CUX1: variants seen among roughly 807,000 people sequenced by gnomAD.
CUX1 encodes the protein cut like homeobox 1.
CUX1 carries 31 observed loss-of-function variants against 158.8 expected under a neutral mutation model. The observed-to-expected ratio is 0.20, with a 90% CI of 0.15 to 0.26. CUX1 has a LOEUF of 0.26. Ranked by LOEUF, CUX1 falls within the 10% of genes least tolerant of loss-of-function variation. The pLI, the probability that CUX1 is intolerant of heterozygous loss-of-function variation, is 1.00. For synonymous variants in CUX1, 879 were observed against 862.1 expected (o/e 1.02, Z -0.34); for missense variants, 1,589 against 2,014.6 (o/e 0.79, Z 4.04).
At chr7:102,271,401 T>C (rs1554546211) in intron 14 of CUX1, among the ~76,000 whole-genome samples, 1 of 152,138 alleles carries the variant, frequency 6.6e-6, no homozygotes, top group African/African-American at 2.4e-5. Flanking sequence ...TTTCTGGTGG[T>C]TTCCTCTCCC....
intron 1 of CUX1, among the ~76,000 whole-genome samples, chr7:101,872,004 C>T (rs1031986181): frequency 9.6e-5 from 14 of 146,190 alleles, no homozygotes; most frequent in African/African-American, 3.0e-4. Context: ...GGCGACAGAG[C>T]GAGACTCCAT....
At chr7:101,999,887 TGTGTGTGTGC>T (rs752420973) in intron 2 of CUX1, among the ~76,000 whole-genome samples, 7 of 151,866 alleles carry the variant, frequency 4.6e-5, no homozygotes, top group Non-Finnish European at 1.0e-4. Context: ...CATGCGTGCG[TGTGTGTGTGC>T]GTGTGTGTGT....
intron 2 of CUX1, among the ~76,000 whole-genome samples, chr7:101,990,892 G>A (rs762776958): frequency 1.2e-4 from 18 of 152,156 alleles, no homozygotes; most frequent in Non-Finnish European, 2.2e-4. Flanking sequence ...TCACAGCGCC[G>A]CTCAGGTCCC....
At chr7:102,114,257 G>A (rs948273911) in intron 7 of CUX1, among the ~76,000 whole-genome samples, 11 of 152,124 alleles carry the variant, frequency 7.2e-5, no homozygotes, top group African/African-American at 1.4e-4. Flanking sequence ...TTTTCTTAAC[G>A]TAAAATACAC....
intron 3 of CUX1, among the ~76,000 whole-genome samples, chr7:102,056,142 T>A (rs1824095049): frequency 6.6e-6 from 1 of 152,204 alleles, no homozygotes; most frequent in South Asian, 2.1e-4. Flanking sequence ...ATCTCCATAA[T>A]ACAAAAGTGC....
intron 2 of CUX1, among the ~76,000 whole-genome samples, chr7:101,994,926 CAAAAAAAAA>C (rs796784920): frequency 4.2e-5 from 2 of 47,668 alleles, no homozygotes; most frequent in Admixed American, 2.3e-4. Flanking sequence ...CTCATCTCTA[CAAAAAAAAA>C]AAAAAAAAAA....
intron 2 of CUX1, among the ~76,000 whole-genome samples, chr7:101,953,909 T>A (rs1001655290): frequency 6.6e-6 from 1 of 152,230 alleles, no homozygotes; most frequent in Non-Finnish European, 1.5e-5. Flanking sequence ...ATTCTCTTTA[T>A]GGGCAGCATG....
chr7:101,846,700 C>T (rs1297310827), intron 1 of CUX1, among the ~76,000 whole-genome samples: 2 of 152,102 alleles, frequency 1.3e-5, no homozygotes, highest in Non-Finnish European at 2.9e-5. Flanking sequence ...ATTAAAACAG[C>T]AAATTGGAAG....
In CUX1 at chr7:102,280,983, T is replaced by C; in HGVS notation, c.1821+123T>C. ...GCCAGCCCTGCCAAGAGTGGCTGTG[T>C]GATCTGGGACAGGGTCTCTCCCCTT... is the stretch of plus-strand genomic sequence containing the variant. On this transcript the variant is annotated intron_variant, in intron 20 of 22. Coordinates refer to the CUX1 transcript ENST00000292538. The C allele has an allele frequency of 3.6e-6, 3 of 834,968 alleles. No individual in the cohort carries two copies. In the Admixed American group the frequency reaches 6.3e-5, roughly 17 times the overall value. The allele number at this position is 834,968 out of a possible 1,614,324, so 51.7% of individuals were successfully genotyped here. A position where few individuals can be genotyped will look rare whatever the true frequency, so the allele number is the denominator to read the frequency against.
chr7:101,843,451 T>C lies in CUX1; in HGVS notation c.30+25782T>C, dbSNP rs555216426. 4.3e-4 allele frequency among the ~76,000 whole-genome samples: 66 copies of C among 152,350 alleles called. 1 individual carries two copies. The South Asian group carries it at 0.013, about 31-fold the overall frequency. On this transcript the variant is annotated intron_variant, in intron 1 of 23. Transcript: ENST00000292535. ...GCTTTTCTTGTAATGCTTTGTAGGG[T>C]TGAACTTTCTTCTGCTGGATTTTAA...
At chr7:101,843,285 T>G (rs1198405480) in intron 1 of CUX1, among the ~76,000 whole-genome samples, 1 of 152,250 alleles carries the variant, frequency 6.6e-6, no homozygotes, top group East Asian at 1.9e-4. Flanking sequence ...ATCTGTGATG[T>G]AAGATCTTGT....
intron 2 of CUX1, among the ~76,000 whole-genome samples, chr7:101,940,040 G>A (rs1013618125): frequency 4.0e-5 from 6 of 149,070 alleles, no homozygotes; most frequent in South Asian, 2.1e-4. Flanking sequence ...AGATTGCACC[G>A]CTGCACTCCA....
At chr7:102,005,324 T>TTTTTG (rs1033367363) in intron 2 of CUX1, among the ~76,000 whole-genome samples, 53 of 152,088 alleles carry the variant, frequency 3.5e-4, no homozygotes, top group Admixed American at 1.0e-3. Context: ...CCGGCCTGGT[T>TTTTTG]TTTTGTTTTG....
At position 102,257,736 on chromosome 7, in the gene CUX1, T is replaced by G. The variant is rs1790051230; in HGVS notation, c.*8694T>G. ...ACCCCACCCCCACTCTAGCGTTTTG[T>G]CACGTCTTACATTTTAGCAGTATTT... On this transcript the variant is annotated 3_prime_UTR_variant, in exon 24 of 24. Coordinates refer to ENST00000292535, the MANE Select transcript of CUX1 (RefSeq NM_181552.4). 2.0e-6 allele frequency: 2 copies of G among 985,222 alleles called. No homozygotes were observed. The highest frequency in any genetic ancestry group is 2.4e-6 in the Non-Finnish European group (2 of 829,904). The allele number at this position is 985,222 out of a possible 1,614,324, so 61.0% of individuals were successfully genotyped here.
chr7:102,077,528 TAAAAAA>T lies in CUX1; in HGVS notation c.268+7127_268+7132del, dbSNP rs35999980. 4.4e-5 allele frequency among the ~76,000 whole-genome samples: 5 copies of T among 113,946 alleles called. No individual in the cohort carries two copies. The South Asian group carries it at 9.3e-4, about 21-fold the overall frequency. 74.8% of individuals were successfully genotyped at this position (113,946 alleles called of 152,430 possible). A position where few individuals can be genotyped will look rare whatever the true frequency, so the allele number is the denominator to read the frequency against. On this transcript the variant is annotated intron_variant, in intron 4 of 23. Coordinates refer to ENST00000292535, the MANE Select transcript of CUX1 (RefSeq NM_181552.4). The stretch of plus-strand genomic sequence containing the variant: ...AACATAGCAAAACCCCCCATCTCTT[TAAAAAA>T]AAAAAAAAAAAAAAAGATGAACAAG...
Position 101,916,626 on chromosome 7 carries a change from G to T in CUX1, c.141+401G>T. The T allele has an allele frequency of 4.8e-6, 1 of 206,400 alleles. No homozygotes were observed. The highest frequency in any genetic ancestry group is 1.0e-5 in the Non-Finnish European group (1 of 97,688). 12.8% of individuals were successfully genotyped at this position (206,400 alleles called of 1,614,324 possible). A position where few individuals can be genotyped will look rare whatever the true frequency, so the allele number is the denominator to read the frequency against. The stretch of plus-strand genomic sequence containing the variant: ...GAAGGTCCGCGGGGCCTGCTTCCCT[G>T]TTGCTGGTGCAGGCGGAGTGTCTGA... On this transcript the variant is annotated intron_variant, in intron 2 of 23. Transcript: ENST00000292535. The surrounding 1 kb of genome is among the most constrained non-coding windows in gnomAD (Gnocchi z 4.4).
At chr7:102,263,708 T>G (rs892278783) in intron 14 of CUX1, among the ~76,000 whole-genome samples, 23 of 152,000 alleles carry the variant, frequency 1.5e-4, no homozygotes, top group Admixed American at 9.8e-4. Context: ...TCTCTTTTTT[T>G]TTGAGACAGG....
intron 2 of CUX1, among the ~76,000 whole-genome samples, chr7:101,947,627 A>G (rs554473699): frequency 6.6e-6 from 1 of 152,332 alleles, no homozygotes; most frequent in African/African-American, 2.4e-5. Flanking sequence ...CTAAAATTAA[A>G]GAAAAGAAAG....
intron 3 of CUX1, among the ~76,000 whole-genome samples, chr7:102,060,806 G>A (rs755614267): frequency 6.7e-6 from 1 of 150,056 alleles, no homozygotes; most frequent in Non-Finnish European, 1.5e-5. Flanking sequence ...TAGAGATGGG[G>A]TTTCACCATG....
Sources: gnomAD v4.1 joint callset for allele counts (sites outside exome capture counted in the v4.1 genomes callset) on GRCh38, gnomAD v4.1.1 for gene constraint, Gnocchi (gnomAD v3.1) non-coding constraint, MANE v1.5 for transcripts, NCBI Gene and HGNC (gene_info 2026-07-23, HGNC 2026-07-21) for gene names.